MLXIPL: variants seen among roughly 807,000 people sequenced by gnomAD.
MLXIPL encodes the protein MLX interacting protein like.
MLXIPL carries 49 observed loss-of-function variants against 81.5 expected under a neutral mutation model. The observed-to-expected ratio is 0.60, with a 90% CI of 0.48 to 0.76. The LOEUF (loss-of-function observed/expected upper bound fraction) is 0.76, where lower values mean the gene tolerates loss of function less well. Ranked by LOEUF, MLXIPL falls within the 30% of genes least tolerant of loss-of-function variation. The pLI, the probability that MLXIPL is intolerant of heterozygous loss-of-function variation, is 0.00. For missense variants in MLXIPL, 1,053 were observed against 1,167.0 expected (o/e 0.90, Z 1.42); for synonymous variants, 466 against 485.5 (o/e 0.96, Z 0.53).
At chr7:73,614,223 A>C (rs1795866493) in intron 2 of MLXIPL, among the ~76,000 whole-genome samples, 1 of 152,054 alleles carries the variant, frequency 6.6e-6, no homozygotes, top group South Asian at 2.1e-4. Context: ...GTATTAAAAA[A>C]CAAAACAAAA....
chr7:73,637,194 G>A, the MLXIPL span, among the ~76,000 whole-genome samples: 1 of 151,828 alleles, frequency 6.6e-6, no homozygotes, highest in South Asian at 2.1e-4. Flanking sequence ...AAAGCAAAAA[G>A]GGGCCTTGTG....
chr7:73,595,750 G>T lies in MLXIPL; in HGVS notation c.2197C>A (p.Gln733Lys), dbSNP rs1554593436. The change falls in exon 15 of 17, where the codon CAG becomes AAG. Residue 733 changes from glutamine (Q) to lysine (K), a missense_variant. By Grantham distance (53) the Gln-to-Lys change is moderately conservative. Transcript: ENST00000313375. The stretch of plus-strand genomic sequence containing the variant: ...GGTACCCCTGTGGCGGGCAGCTGCT[G>T]CTGGCACAGGCTGGGGGCAGGGCAG... The part of the protein sequence containing the change: ...ELNAAINLCQ[Q>K]QLPATGVPIT... The T allele has an allele frequency of 1.9e-6, 3 of 1,597,788 alleles. No individual in the cohort carries two copies. The highest frequency in any genetic ancestry group is 2.6e-6 in the Non-Finnish European group (3 of 1,171,962).
chr7:73,605,420 G>T (rs1795197654), intron 7 of MLXIPL, among the ~76,000 whole-genome samples: 1 of 152,174 alleles, frequency 6.6e-6, no homozygotes, highest in Non-Finnish European at 1.5e-5. Flanking sequence ...AATTAGCCGG[G>T]TTTGGTGGTG....
At chr7:73,604,566 C>T (rs952494448) in intron 7 of MLXIPL, among the ~76,000 whole-genome samples, 2 of 151,952 alleles carry the variant, frequency 1.3e-5, no homozygotes, top group African/African-American at 2.4e-5. Flanking sequence ...GAATGAGACC[C>T]TGTCTCAAAA....
chr7:73,644,213 CTT>C, the MLXIPL span, among the ~76,000 whole-genome samples: 1 of 145,560 alleles, frequency 6.9e-6, no homozygotes. Context: ...CTGGTTTTGT[CTT>C]TTTTTTTTTT....
At chr7:73,610,532 GCTACGGC>G (rs1390561240) in intron 2 of MLXIPL, 2 of 152,310 alleles carry the variant, frequency 1.3e-5, no homozygotes, top group African/African-American at 4.8e-5. Flanking sequence ...GTGGTACAGT[GCTACGGC>G]CTTGGCTCAC....
the MLXIPL span, among the ~76,000 whole-genome samples, chr7:73,632,611 T>C: frequency 1.3e-5 from 2 of 152,170 alleles, no homozygotes; most frequent in Non-Finnish European, 2.9e-5. Context: ...CCTGTGTTCC[T>C]GTGTGTGCCT....
rs998095159 is a variant in MLXIPL at position 73,623,454 on chromosome 7, C to A, written c.293+746G>T. 6.6e-6 allele frequency among the ~76,000 whole-genome samples: 1 copy of A among 152,036 alleles called. No individual in the cohort carries two copies. Among genetic ancestry groups the A allele is most frequent in the Non-Finnish European group, 1.5e-5 (1 of 68,012 alleles). ...GAGCGGCAGCGGGGCGCGGCCTGTGCGCTCTCGGTGGCACTAAGCGGGGGT... is the reference window on the plus strand; with the variant it reads ...GAGCGGCAGCGGGGCGCGGCCTGTGAGCTCTCGGTGGCACTAAGCGGGGGT... On this transcript the variant is annotated intron_variant, in intron 1 of 16. Transcript: ENST00000313375. The surrounding 1 kb of genome is among the most constrained non-coding windows in gnomAD (Gnocchi z 5.7).
At chr7:73,630,941 G>T in the MLXIPL span, among the ~76,000 whole-genome samples, 3 of 152,120 alleles carry the variant, frequency 2.0e-5, no homozygotes, top group Non-Finnish European at 4.4e-5. Flanking sequence ...GCCCAACACT[G>T]GAGATGCCCC....
Position 73,595,904 on chromosome 7 carries a change from C to A in MLXIPL, c.2124G>T (p.Ala708=), listed in dbSNP as rs74447564. Residue 708 remains alanine, a synonymous_variant, in exon 14 of 17, where the codon GCG becomes GCT. Coordinates refer to ENST00000313375, the MANE Select transcript of MLXIPL (RefSeq NM_032951.3). ...GCTGCTGGGCCTCCTCCTGCAAGCC[C>A]GCACGCTCCTGCTGTAGCATAAGGA... ...EYILMLQQER[A]GLQEEAQQLR... is the part of the protein sequence containing the mutation. 7 of 1,613,106 alleles carry A rather than the reference C, an allele frequency of 4.3e-6. No individual in the cohort carries two copies. The highest frequency in any genetic ancestry group is 1.1e-5 in the South Asian group (1 of 91,006).
upstream of MLXIPL, chr7:73,624,534 C>A: frequency 7.3e-6 from 11 of 1,497,548 alleles, no homozygotes; most frequent in East Asian, 2.6e-5. Context: ...CTCCGCGCAG[C>A]GCGGGGAACA....
chr7:73,620,469 A>G (rs1389612347), intron 1 of MLXIPL, among the ~76,000 whole-genome samples: 1 of 148,646 alleles, frequency 6.7e-6, no homozygotes, highest in East Asian at 2.1e-4. Context: ...AGCTGGGCCC[A>G]GTAGCTCACA....
At chr7:73,643,230 G>T in the MLXIPL span, among the ~76,000 whole-genome samples, 2 of 152,162 alleles carry the variant, frequency 1.3e-5, no homozygotes, top group African/African-American at 2.4e-5. Flanking sequence ...ATGTTTATTT[G>T]ATTCTCTCAT....
intron 1 of MLXIPL, among the ~76,000 whole-genome samples, chr7:73,620,787 A>G (rs1796299838): frequency 6.7e-6 from 1 of 150,324 alleles, no homozygotes; most frequent in Non-Finnish European, 1.5e-5. Flanking sequence ...ACGATGGCTC[A>G]TACCTGTAAT....
At chr7:73,641,237 G>A in the MLXIPL span, among the ~76,000 whole-genome samples, 1 of 152,186 alleles carries the variant, frequency 6.6e-6, no homozygotes, top group East Asian at 1.9e-4. Context: ...AGGCTGCAGT[G>A]AGCCTTGATT....
intron 7 of MLXIPL, among the ~76,000 whole-genome samples, chr7:73,604,281 A>C (rs1342182011): frequency 6.6e-6 from 1 of 150,784 alleles, no homozygotes; most frequent in Non-Finnish European, 1.5e-5. Flanking sequence ...GATTTTCTTT[A>C]AAATAACGCA....
upstream of MLXIPL, among the ~76,000 whole-genome samples, chr7:73,629,366 T>C (rs532620243): frequency 7.2e-5 from 11 of 152,264 alleles, no homozygotes; most frequent in African/African-American, 2.6e-4. Flanking sequence ...AATATAAGTC[T>C]AATTTCATTC....
upstream of MLXIPL, among the ~76,000 whole-genome samples, chr7:73,627,940 C>T (rs1289776367): frequency 6.6e-6 from 1 of 152,074 alleles, no homozygotes; most frequent in East Asian, 1.9e-4. Context: ...CGATCTGTCT[C>T]ACTACCTGTA....
chr7:73,597,073 T>C, intron 9 of MLXIPL, 109 bp downstream of exon 9: 1 of 1,454,738 alleles, frequency 6.9e-7, no homozygotes, highest in Non-Finnish European at 9.4e-7. Flanking sequence ...CTCTGTCCCT[T>C]GAACTGGACC....
Sources: gnomAD v4.1 joint callset for allele counts (sites outside exome capture counted in the v4.1 genomes callset) on GRCh38, gnomAD v4.1.1 for gene constraint, Gnocchi (gnomAD v3.1) non-coding constraint, MANE v1.5 for transcripts, NCBI Gene and HGNC (gene_info 2026-07-23, HGNC 2026-07-21) for gene names.